Variants in FBXL17 observed in about 807,000 individuals in gnomAD.
The protein encoded by FBXL17 is F-box/LRR-repeat protein 17.
In FBXL17, 22 loss-of-function variants were observed where a neutral mutation model predicts 66.2. The ratio of observed to expected loss-of-function variants is 0.33; its 90% CI spans 0.24 to 0.47. The LOEUF is 0.47. Among genes scored for constraint, FBXL17 ranks in the 20% least tolerant of loss-of-function variants. The pLI, the probability that FBXL17 is intolerant of heterozygous loss-of-function variation, is 1.00. For synonymous variants in FBXL17, 474 were observed against 400.5 expected (o/e 1.18, Z -2.19); for missense variants, 878 against 948.2 (o/e 0.93, Z 0.97).
At chr5:108,361,646 G>GT (rs1331816221) in intron 3 of FBXL17, among the ~76,000 whole-genome samples, 3 of 152,062 alleles carry the variant, frequency 2.0e-5, no homozygotes. Flanking sequence ...TAGGTCAATT[G>GT]TATGTCTCAC....
At chr5:108,322,505 A>G (rs1759665781) in intron 4 of FBXL17, among the ~76,000 whole-genome samples, 2 of 152,006 alleles carry the variant, frequency 1.3e-5, no homozygotes, top group Non-Finnish European at 2.9e-5. Context: ...TAAGAAAAGA[A>G]TAATATAAGA....
intron 6 of FBXL17, among the ~76,000 whole-genome samples, chr5:108,089,300 G>A (rs935341945): frequency 6.6e-6 from 1 of 152,104 alleles, no homozygotes; most frequent in Non-Finnish European, 1.5e-5. Flanking sequence ...TCTTAATATG[G>A]CTACAAGGCC....
intron 4 of FBXL17, among the ~76,000 whole-genome samples, chr5:108,260,662 T>C (rs1220701442): frequency 2.0e-5 from 3 of 152,054 alleles, no homozygotes; most frequent in African/African-American, 4.8e-5. Flanking sequence ...AAGAGATTCT[T>C]GGAATTGCTG....
intron 4 of FBXL17, among the ~76,000 whole-genome samples, chr5:108,302,459 CTTTT>C (rs1758635296): frequency 6.6e-6 from 1 of 151,720 alleles, no homozygotes; most frequent in South Asian, 2.1e-4. Flanking sequence ...GAAATAATCA[CTTTT>C]AAGAATTAGC....
At chr5:107,879,719 T>G (rs917068085) in intron 8 of FBXL17, 4 of 985,472 alleles carry the variant, frequency 4.1e-6, no homozygotes, top group Non-Finnish European at 4.8e-6. Context: ...AGTTTCACAT[T>G]ATTTTGCTAG....
At chr5:107,891,501 C>T (rs952636953) in intron 7 of FBXL17, among the ~76,000 whole-genome samples, 11 of 152,086 alleles carry the variant, frequency 7.2e-5, no homozygotes, top group Admixed American at 4.6e-4. Flanking sequence ...ATTATCCAAG[C>T]AAGAAGTGAT....
intron 8 of FBXL17, among the ~76,000 whole-genome samples, chr5:107,862,097 A>G (rs1748139217): frequency 6.6e-6 from 1 of 152,198 alleles, no homozygotes; most frequent in South Asian, 2.1e-4. Flanking sequence ...CAAGAAATCA[A>G]AAGTGTTTTC....
At chr5:108,285,262 A>T (rs1346827208) in intron 4 of FBXL17, among the ~76,000 whole-genome samples, 2 of 151,786 alleles carry the variant, frequency 1.3e-5, no homozygotes, top group East Asian at 3.9e-4. Context: ...CATTCAAGAG[A>T]GTTGGAATAA....
chr5:108,036,727 A>C (rs1481967463), intron 6 of FBXL17, among the ~76,000 whole-genome samples: 1 of 152,190 alleles, frequency 6.6e-6, no homozygotes, highest in Non-Finnish European at 1.5e-5. Flanking sequence ...CACTGGCAGC[A>C]GGACTCACGC....
In FBXL17 at chr5:108,020,084, T is replaced by C. The variant is rs74871571; in HGVS notation, c.1822+841A>G. Among the ~76,000 whole-genome samples the C allele has an allele frequency of 1.0e-2, 1,518 of 152,072 alleles. 23 individuals carry two copies. Among genetic ancestry groups the C allele is most frequent in the African/African-American group, 0.034 (1,401 of 41,536 alleles). ...CTAGGACTGGAGTCATTTATTATTA[T>C]ATGTCAGAGCTAACAATAAAAACTT... On this transcript the variant is annotated intron_variant, in intron 7 of 8. Coordinates refer to ENST00000542267, the MANE Select transcript of FBXL17 (RefSeq NM_001163315.3).
At chr5:108,134,918 G>C (rs929648998) in intron 6 of FBXL17, among the ~76,000 whole-genome samples, 9 of 152,072 alleles carry the variant, frequency 5.9e-5, no homozygotes, top group Admixed American at 4.6e-4. Flanking sequence ...TATGGAATTT[G>C]TAGTGTTTAA....
intron 7 of FBXL17, among the ~76,000 whole-genome samples, chr5:107,883,305 G>A (rs1561516881): frequency 6.6e-6 from 1 of 152,152 alleles, no homozygotes; most frequent in Non-Finnish European, 1.5e-5. Context: ...TGGGGGAGTG[G>A]ATTTTAAGTT....
intron 7 of FBXL17, among the ~76,000 whole-genome samples, chr5:107,881,872 T>C (rs1179307313): frequency 2.0e-5 from 3 of 152,176 alleles, no homozygotes; most frequent in African/African-American, 4.8e-5. Context: ...TGAGAGTATC[T>C]GTAGTCTTCT....
At chr5:108,268,371 A>G (rs75144318) in intron 4 of FBXL17, among the ~76,000 whole-genome samples, 1,702 of 152,114 alleles carry the variant, frequency 0.011, 33 homozygotes, top group African/African-American at 0.039. Flanking sequence ...CTTTCGAAGC[A>G]TTTTATCTCA....
At chr5:108,032,157 C>T (rs955687190) in intron 6 of FBXL17, among the ~76,000 whole-genome samples, 2 of 152,114 alleles carry the variant, frequency 1.3e-5, no homozygotes, top group African/African-American at 4.8e-5. Context: ...TCCTAAGGTA[C>T]ATTTCTCAGA....
At chr5:107,881,539 G>T (rs754296324) in intron 7 of FBXL17, among the ~76,000 whole-genome samples, 2 of 152,018 alleles carry the variant, frequency 1.3e-5, no homozygotes, top group Non-Finnish European at 2.9e-5. Context: ...TTTTACCCAA[G>T]ATAACTTTAA....
chr5:108,154,283 A>C (rs1751880993), intron 6 of FBXL17, among the ~76,000 whole-genome samples: 1 of 119,058 alleles, frequency 8.4e-6, no homozygotes, highest in Non-Finnish European at 1.8e-5. Flanking sequence ...AAAGGATCAC[A>C]GCTGAAAAAA....
intron 1 of FBXL17, among the ~76,000 whole-genome samples, chr5:108,370,697 T>G (rs989203222): frequency 6.6e-6 from 1 of 150,754 alleles, no homozygotes; most frequent in Non-Finnish European, 1.5e-5. Flanking sequence ...AAGCCAAGAT[T>G]GCACCACTGC....
intron 6 of FBXL17, among the ~76,000 whole-genome samples, chr5:108,176,187 T>C (rs1332705499): frequency 6.6e-6 from 1 of 152,166 alleles, no homozygotes; most frequent in Non-Finnish European, 1.5e-5. Context: ...CCTAAATCCA[T>C]GGGCTTATAA....
Sources: gnomAD v4.1 joint callset for allele counts (sites outside exome capture counted in the v4.1 genomes callset) on GRCh38, gnomAD v4.1.1 for gene constraint, MANE v1.5 for transcripts, NCBI Gene and HGNC (gene_info 2026-07-23, HGNC 2026-07-21) for gene names.